ASB5: variants seen among roughly 807,000 people sequenced by gnomAD.
ASB5 encodes the protein ankyrin repeat and SOCS box containing 5.
Under a neutral mutation model 42.1 loss-of-function variants are expected in ASB5, and 45 were observed. That is an observed-to-expected ratio of 1.07 (90% CI 0.84 to 1.37). ASB5 has a LOEUF of 1.37. Ranked by LOEUF, ASB5 falls within the 40% of genes most tolerant of loss-of-function variation. ASB5 has a pLI of 0.00. For synonymous variants in ASB5, 147 were observed against 150.6 expected (o/e 0.98, Z 0.18); for missense variants, 402 against 399.8 (o/e 1.01, Z -0.05).
chr4:176,226,022 T>C (rs1480347686), intron 1 of ASB5, among the ~76,000 whole-genome samples: 1 of 152,234 alleles, frequency 6.6e-6, no homozygotes, highest in Non-Finnish European at 1.5e-5. Context: ...TGCATATAGG[T>C]GCCACGTTGA....
At position 176,214,596 on chromosome 4, in the gene ASB5, G is replaced by A. The variant is rs1177247222; in HGVS notation, c.*1004C>T. ...GTGTAAAAAGAATTAGAAACAGTGC[G>A]ATTAAGTTCTCTATATACATTTTTT... On this transcript the variant is annotated 3_prime_UTR_variant, in exon 7 of 7. Coordinates refer to ENST00000296525, the MANE Select transcript of ASB5 (RefSeq NM_080874.4). The A allele has an allele frequency of 6.6e-6, 1 of 152,026 alleles. No homozygotes were observed. Among genetic ancestry groups the A allele is most frequent in the Non-Finnish European group, 1.5e-5 (1 of 67,998 alleles). The allele number at this position is 152,026 out of a possible 1,614,324, so 9.4% of individuals were successfully genotyped here. A position where few individuals can be genotyped will look rare whatever the true frequency, so the allele number is the denominator to read the frequency against.
chr4:176,271,129 A>C (rs1754461961), upstream of ASB5, among the ~76,000 whole-genome samples: 1 of 152,148 alleles, frequency 6.6e-6, no homozygotes, highest in African/African-American at 2.4e-5. Context: ...AATATTTAGG[A>C]TTTTATGTCA....
At chr4:176,219,233 GAT>G (rs1282505056) in intron 5 of ASB5, among the ~76,000 whole-genome samples, 2 of 111,070 alleles carry the variant, frequency 1.8e-5, no homozygotes, top group African/African-American at 3.7e-5. Context: ...ATATTTGTAT[GAT>G]ATATAAATAT....
intron 1 of ASB5, 97 bp from the exon 2 acceptor site, chr4:176,225,438 T>TTA: frequency 9.6e-7 from 1 of 1,042,366 alleles, no homozygotes. Context: ...ACATAAATTA[T>TTA]TCACACTCAG....
intron 5 of ASB5, among the ~76,000 whole-genome samples, chr4:176,217,565 A>G (rs943179412): frequency 7.9e-5 from 12 of 152,126 alleles, no homozygotes; most frequent in Non-Finnish European, 1.5e-4. Flanking sequence ...TAAGTCAGTA[A>G]GTATATAAAG....
intron 5 of ASB5, among the ~76,000 whole-genome samples, chr4:176,218,251 AATATATATATATTTGTATGATATATAAAT>A (rs1753037007): frequency 9.2e-4 from 23 of 24,872 alleles, no homozygotes; most frequent in South Asian, 1.9e-3. Context: ...ATGATATATA[AATATATATATATTTGTATGATATATAAAT>A]ATATATATAT....
intron 5 of ASB5, among the ~76,000 whole-genome samples, chr4:176,220,932 A>G (rs1418363959): frequency 1.3e-5 from 2 of 152,228 alleles, no homozygotes; most frequent in African/African-American, 4.8e-5. Flanking sequence ...GAGATTATGT[A>G]TCTATCTGTG....
At chr4:176,247,424 T>G (rs939577276) in intron 1 of ASB5, among the ~76,000 whole-genome samples, 2 of 152,224 alleles carry the variant, frequency 1.3e-5, no homozygotes, top group Non-Finnish European at 2.9e-5. Flanking sequence ...GATCTTGTTC[T>G]GTCTATGAAG....
upstream of ASB5, among the ~76,000 whole-genome samples, chr4:176,273,991 C>T (rs1002850554): frequency 6.6e-6 from 1 of 152,136 alleles, no homozygotes; most frequent in African/African-American, 2.4e-5. Flanking sequence ...TCCCGGCTCT[C>T]GAGAAGGTTA....
chr4:176,276,482 A>G (rs997789617), intron 1 of ASB5, among the ~76,000 whole-genome samples: 1 of 152,192 alleles, frequency 6.6e-6, no homozygotes, highest in African/African-American at 2.4e-5. Context: ...TATAAAACAA[A>G]TGATGTATTT....
At chr4:176,241,475 A>G in intron 1 of ASB5, 1 of 1,535,500 alleles carries the variant, frequency 6.5e-7, no homozygotes, top group Non-Finnish European at 8.7e-7. Flanking sequence ...TTACTGCCAA[A>G]TTTCCACCAT....
At chr4:176,254,159 C>T (rs576869537) in intron 1 of ASB5, among the ~76,000 whole-genome samples, 3 of 152,244 alleles carry the variant, frequency 2.0e-5, no homozygotes, top group African/African-American at 7.2e-5. Context: ...TACCAGAATC[C>T]AAACTATACT....
intron 5 of ASB5, among the ~76,000 whole-genome samples, chr4:176,219,479 T>G (rs1450534099): frequency 5.3e-5 from 4 of 75,176 alleles, no homozygotes; most frequent in African/African-American, 9.0e-5. Context: ...TTGTATGATA[T>G]ATAAATATAT....
chr4:176,224,376 A>C (rs1753313073), intron 2 of ASB5, among the ~76,000 whole-genome samples: 1 of 152,008 alleles, frequency 6.6e-6, no homozygotes, highest in Non-Finnish European at 1.5e-5. Context: ...CTGGGACTAC[A>C]GGTGCAAGCC....
intron 1 of ASB5, among the ~76,000 whole-genome samples, chr4:176,235,654 T>A (rs936389479): frequency 9.2e-5 from 14 of 152,144 alleles, no homozygotes; most frequent in African/African-American, 3.4e-4. Flanking sequence ...TGTGAATAAT[T>A]ATCTGCTTAG....
chr4:176,241,939 A>G (rs1266310727), intron 1 of ASB5, among the ~76,000 whole-genome samples: 1 of 152,164 alleles, frequency 6.6e-6, no homozygotes, highest in African/African-American at 2.4e-5. Flanking sequence ...GACGTAGATG[A>G]CCTAAGGAGA....
At chr4:176,238,091 G>A (rs556751793) in intron 1 of ASB5, among the ~76,000 whole-genome samples, 73 of 151,974 alleles carry the variant, frequency 4.8e-4, no homozygotes, top group African/African-American at 1.6e-3. Context: ...ACATAGGGAC[G>A]GGGCGCCTGT....
chr4:176,272,941 CTTTTTTT>C (rs60310080), upstream of ASB5, among the ~76,000 whole-genome samples: 1 of 110,960 alleles, frequency 9.0e-6, no homozygotes, highest in Non-Finnish European at 1.8e-5. Context: ...CTTCGATGAC[CTTTTTTT>C]TTTTTTTTTT....
At chr4:176,222,654 T>G (rs1753251756) in intron 2 of ASB5, among the ~76,000 whole-genome samples, 1 of 152,194 alleles carries the variant, frequency 6.6e-6, no homozygotes, top group Non-Finnish European at 1.5e-5. Context: ...CCTTAAGTAT[T>G]TGGTTCAATA....
Sources: gnomAD v4.1 joint callset for allele counts (sites outside exome capture counted in the v4.1 genomes callset) on GRCh38, gnomAD v4.1.1 for gene constraint, MANE v1.5 for transcripts, NCBI Gene and HGNC (gene_info 2026-07-23, HGNC 2026-07-21) for gene names.